SLC7A2: variants seen among roughly 807,000 people sequenced by gnomAD.
SLC7A2 encodes the protein cationic amino acid transporter 2.
Under a neutral mutation model 58.9 loss-of-function variants are expected in SLC7A2, and 48 were observed. The observed-to-expected ratio is 0.82, with a 90% CI of 0.65 to 1.04. SLC7A2 has a LOEUF of 1.04. Among genes scored for constraint, SLC7A2 ranks in the 50% least tolerant of loss-of-function variants. The pLI is 0.00. For synonymous variants in SLC7A2, 363 were observed against 314.5 expected (o/e 1.15, Z -1.63); for missense variants, 1,029 against 818.8 (o/e 1.26, Z -3.13).
chr8:17,542,657 A>AAAAAG (rs78569276), intron 2 of SLC7A2, among the ~76,000 whole-genome samples: 1 of 150,052 alleles, frequency 6.7e-6, no homozygotes, highest in Non-Finnish European at 1.5e-5. Context: ...TCTCAAAAAA[A>AAAAAG]AAAGAAAAAG....
In SLC7A2 at chr8:17,565,476, T is replaced by G. The variant is rs560601543; in HGVS notation, c.*330T>G. The G allele has an allele frequency of 9.4e-6, 2 of 212,092 alleles. No homozygotes were observed. The highest frequency in any genetic ancestry group is 1.9e-5 in the Non-Finnish European group (2 of 105,814). 13.1% of individuals were successfully genotyped at this position (212,092 alleles called of 1,614,324 possible). A position where few individuals can be genotyped will look rare whatever the true frequency, so the allele number is the denominator to read the frequency against. ...GTGTTTTACTATTATTGTGTTACAT[T>G]TTTCCAGTGTCGTCATTAATCGGTG... On this transcript the variant is annotated 3_prime_UTR_variant, in exon 13 of 13. Transcript: ENST00000494857.
intron 2 of SLC7A2, among the ~76,000 whole-genome samples, chr8:17,534,984 C>G (rs1801605078): frequency 6.6e-6 from 1 of 152,136 alleles, no homozygotes; most frequent in Non-Finnish European, 1.5e-5. Context: ...CTAAGAGTCC[C>G]TTGTGCCTAG....
At chr8:17,509,371 T>A (rs1477072708) in intron 2 of SLC7A2, among the ~76,000 whole-genome samples, 1 of 152,164 alleles carries the variant, frequency 6.6e-6, no homozygotes, top group East Asian at 1.9e-4. Context: ...AGTGGTGTGA[T>A]CTTGGCTCAT....
chr8:17,502,929 AATATT>A (rs1305961027), intron 2 of SLC7A2, among the ~76,000 whole-genome samples: 1 of 151,896 alleles, frequency 6.6e-6, no homozygotes, highest in Non-Finnish European at 1.5e-5. Context: ...ATTATTTAAA[AATATT>A]ATATAAGTTA....
Position 17,548,762 on chromosome 8 carries a change from T to C in SLC7A2, c.617T>C (p.Met206Thr), listed in dbSNP as rs1484450283. Residue 206 changes from methionine to threonine, a missense_variant, in exon 5 of 13, where the codon ATG (methionine) becomes ACG (threonine). By Grantham distance (81) the Met-to-Thr change is moderately conservative (BLOSUM62 -1). Coordinates refer to ENST00000494857, the MANE Select transcript of SLC7A2 (RefSeq NM_001370338.1). ...AATATTCTCGTCCTTCTGTTTGTGA[T>C]GGTTGCTGGGTTTGTGAAAGGAAAT... ...AVNILVLLFV[M>T]VAGFVKGNVA... The C allele has an allele frequency of 6.2e-7, 1 of 1,614,026 alleles. No homozygotes were observed. The highest frequency in any genetic ancestry group is 8.5e-7 in the Non-Finnish European group (1 of 1,179,906).
chr8:17,554,771 A>T, intron 8 of SLC7A2, 72 bp downstream of exon 8: 1 of 1,481,130 alleles, frequency 6.8e-7, no homozygotes, highest in Non-Finnish European at 9.1e-7. Flanking sequence ...AAAAATACAA[A>T]GCTAGGTGGT....
At chr8:17,520,026 G>A (rs192597357) in intron 2 of SLC7A2, among the ~76,000 whole-genome samples, 83 of 152,244 alleles carry the variant, frequency 5.5e-4, no homozygotes, top group Non-Finnish European at 9.4e-4. Context: ...AATTAGTGAT[G>A]ATCAGAGTGA....
At chr8:17,539,696 G>A (rs143125808) in intron 2 of SLC7A2, among the ~76,000 whole-genome samples, 49 of 152,156 alleles carry the variant, frequency 3.2e-4, no homozygotes, top group African/African-American at 8.4e-4. Flanking sequence ...TGTAGGTTTC[G>A]TATTAAATAT....
Position 17,560,352 on chromosome 8 carries a change from C to G in SLC7A2, c.1323C>G (p.Asp441Glu), listed in dbSNP as rs142262222. Residue 441 changes from aspartate to glutamate, a missense_variant, in exon 10 of 13, where the codon GAC becomes GAG. Coordinates refer to ENST00000494857, the MANE Select transcript of SLC7A2 (RefSeq NM_001370338.1). ...ILRYQPGLSY[D>E]QPKCSPEKDG... is the part of the protein sequence containing the mutation. ...GGTACCAGCCTGGCTTATCTTACGA[C>G]CAGCCCAAATGTTCTCCTGAGAAAG... 159 of 1,613,976 alleles carry G rather than the reference C, an allele frequency of 9.9e-5. 1 individual carries two copies. In the African/African-American group the frequency reaches 1.7e-3, roughly 17 times the overall value.
Position 17,570,502 on chromosome 8 carries a change from T to C in SLC7A2, c.*5356T>C, listed in dbSNP as rs1214899800. 6.6e-6 allele frequency: 1 copy of C among 152,610 alleles called. No homozygotes were observed. Among genetic ancestry groups the C allele is most frequent in the Non-Finnish European group, 1.5e-5 (1 of 68,042 alleles). The allele number at this position is 152,610 out of a possible 1,614,324, so 9.5% of individuals were successfully genotyped here. A position where few individuals can be genotyped will look rare whatever the true frequency, so the allele number is the denominator to read the frequency against. The stretch of plus-strand genomic sequence containing the variant: ...ATTTGTAATAAATAAAAACTGCTGC[T>C]TTACCACTGTAAAATATGCTTTCTG... On this transcript the variant is annotated 3_prime_UTR_variant, in exon 13 of 13. Coordinates refer to ENST00000494857, the MANE Select transcript of SLC7A2 (RefSeq NM_001370338.1).
Position 17,527,834 on chromosome 8 carries a change from G to C in SLC7A2, c.-22-15484G>C, listed in dbSNP as rs566599423. ...GTAAGGTCACCAAATAAGGTACCAGGTTTTAGGACTTCAGCATATTTTTCT... is the reference window on the plus strand; with the variant it reads ...GTAAGGTCACCAAATAAGGTACCAGCTTTTAGGACTTCAGCATATTTTTCT... On this transcript the variant is annotated intron_variant, in intron 2 of 12. Transcript: ENST00000494857. 1.1e-3 allele frequency among the ~76,000 whole-genome samples: 171 copies of C among 152,246 alleles called. 1 individual carries two copies. The highest frequency in any genetic ancestry group is 2.1e-3 in the South Asian group (10 of 4,820).
At chr8:17,503,844 T>C (rs1800263972) in intron 2 of SLC7A2, among the ~76,000 whole-genome samples, 1 of 152,236 alleles carries the variant, frequency 6.6e-6, no homozygotes. Context: ...AAGTGGTTTC[T>C]TTAATTCAGT....
intron 8 of SLC7A2, among the ~76,000 whole-genome samples, chr8:17,555,486 C>T (rs1030421575): frequency 1.3e-5 from 2 of 152,002 alleles, no homozygotes; most frequent in Non-Finnish European, 2.9e-5. Flanking sequence ...AATAATGATT[C>T]AATTTTTTGG....
At chr8:17,524,065 C>A (rs1463091127) in intron 2 of SLC7A2, among the ~76,000 whole-genome samples, 1 of 152,176 alleles carries the variant, frequency 6.6e-6, no homozygotes, top group East Asian at 1.9e-4. Context: ...TACCACCTCA[C>A]TCCTGCAAGA....
chr8:17,567,473 C>A lies in SLC7A2; in HGVS notation c.*2327C>A, dbSNP rs1803316946. 6.6e-6 allele frequency: 1 copy of A among 152,590 alleles called. No homozygotes were observed. Among genetic ancestry groups the A allele is most frequent in the African/African-American group, 2.4e-5 (1 of 41,418 alleles). The allele number at this position is 152,590 out of a possible 1,614,324, so 9.5% of individuals were successfully genotyped here. A position where few individuals can be genotyped will look rare whatever the true frequency, so the allele number is the denominator to read the frequency against. On this transcript the variant is annotated 3_prime_UTR_variant, in exon 13 of 13. Transcript: ENST00000494857. ...AGACACAAATATCTATGAAAAGATG[C>A]TTTGTCAGCCACTGTGCCTTTTTTT...
chr8:17,503,296 C>T lies in SLC7A2; in HGVS notation c.-23+994C>T, dbSNP rs536950167. Among the ~76,000 whole-genome samples the T allele has an allele frequency of 1.9e-4, 29 of 152,106 alleles. No individual in the cohort carries two copies. The East Asian group carries it at 3.7e-3, about 19-fold the overall frequency. On this transcript the variant is annotated intron_variant, in intron 2 of 12. Transcript: ENST00000494857. Reference sequence around the variant, plus strand: ...CGATCTCCTGACCTCATGATCTGCCCGCCTCGGCCTCCCAAAGTGCTGGGA... The same window carrying T: ...CGATCTCCTGACCTCATGATCTGCCTGCCTCGGCCTCCCAAAGTGCTGGGA...
chr8:17,513,391 G>A (rs1245760751), intron 2 of SLC7A2, among the ~76,000 whole-genome samples: 1 of 151,892 alleles, frequency 6.6e-6, no homozygotes, highest in Admixed American at 6.6e-5. Flanking sequence ...ATAATTATAA[G>A]TTTGCTCTAA....
At chr8:17,548,336 G>C (rs901024108) in intron 4 of SLC7A2, among the ~76,000 whole-genome samples, 2 of 152,090 alleles carry the variant, frequency 1.3e-5, no homozygotes, top group Non-Finnish European at 2.9e-5. Context: ...GCGAGACTCT[G>C]TCTCAAAAAA....
chr8:17,559,798 G>C (rs963750018), intron 9 of SLC7A2, among the ~76,000 whole-genome samples: 4 of 152,112 alleles, frequency 2.6e-5, no homozygotes, highest in African/African-American at 9.7e-5. Context: ...ACAGGAGGAG[G>C]ATAAAATAAT....
Sources: gnomAD v4.1 joint callset for allele counts (sites outside exome capture counted in the v4.1 genomes callset) on GRCh38, gnomAD v4.1.1 for gene constraint, MANE v1.5 for transcripts, NCBI Gene and HGNC (gene_info 2026-07-23, HGNC 2026-07-21) for gene names.